The following ATG10 variants were observed in gnomAD, a reference collection of about 807,000 sequenced individuals.
The protein encoded by ATG10 is autophagy related 10, also known as ubiquitin-like-conjugating enzyme ATG10.
ATG10 carries 30 observed loss-of-function variants against 32.1 expected under a neutral mutation model. That is an observed-to-expected ratio of 0.94 (90% CI 0.70 to 1.27). The LOEUF (loss-of-function observed/expected upper bound fraction) is 1.27, where lower values mean the gene tolerates loss of function less well. ATG10 is among the 50% of genes most tolerant of loss of function. The pLI, the probability that ATG10 is intolerant of heterozygous loss-of-function variation, is 0.00. For synonymous variants in ATG10, 87 were observed against 91.5 expected (o/e 0.95, Z 0.28); for missense variants, 233 against 262.3 (o/e 0.89, Z 0.77).
At chr5:82,027,485 T>G (rs1382971016) in intron 2 of ATG10, among the ~76,000 whole-genome samples, 1 of 152,204 alleles carries the variant, frequency 6.6e-6, no homozygotes, top group African/African-American at 2.4e-5. Flanking sequence ...TTTCAAAGTT[T>G]TAATTTTTGA....
At chr5:82,230,998 A>G (rs1746348784) in intron 5 of ATG10, among the ~76,000 whole-genome samples, 1 of 152,106 alleles carries the variant, frequency 6.6e-6, no homozygotes, top group South Asian at 2.1e-4. Context: ...TTGAGAAGAA[A>G]TAAACCTTTA....
intron 3 of ATG10, among the ~76,000 whole-genome samples, chr5:82,114,075 C>T (rs1206307934): frequency 6.6e-6 from 1 of 151,896 alleles, no homozygotes; most frequent in Non-Finnish European, 1.5e-5. Flanking sequence ...TATAAATTTT[C>T]CTTCCTTGTG....
At chr5:82,003,842 A>G (rs1199143088) in intron 2 of ATG10, among the ~76,000 whole-genome samples, 1 of 152,238 alleles carries the variant, frequency 6.6e-6, no homozygotes, top group Non-Finnish European at 1.5e-5. Context: ...TCTAATAAAT[A>G]TAAAAGGATA....
At chr5:82,080,620 A>G (rs1346422090) in intron 3 of ATG10, among the ~76,000 whole-genome samples, 1 of 152,200 alleles carries the variant, frequency 6.6e-6, no homozygotes, top group Non-Finnish European at 1.5e-5. Flanking sequence ...TAAATAGGAA[A>G]TCCTTTCCCC....
At chr5:82,195,978 C>T (rs1040683373) in intron 5 of ATG10, among the ~76,000 whole-genome samples, 43 of 152,182 alleles carry the variant, frequency 2.8e-4, no homozygotes, top group African/African-American at 9.7e-4. Flanking sequence ...ACAGAGGCAT[C>T]ACCATTTTAT....
intron 5 of ATG10, among the ~76,000 whole-genome samples, chr5:82,247,263 G>T (rs914842771): frequency 2.6e-5 from 4 of 152,014 alleles, no homozygotes; most frequent in African/African-American, 4.8e-5. Flanking sequence ...TTCAGATTGC[G>T]ATTATCTGTA....
At chr5:82,026,105 C>T (rs1317564242) in intron 2 of ATG10, among the ~76,000 whole-genome samples, 2 of 152,156 alleles carry the variant, frequency 1.3e-5, no homozygotes, top group African/African-American at 4.8e-5. Flanking sequence ...CCATTTTCCC[C>T]ACTGAAACTT....
intron 1 of ATG10, 29 bp from the exon 2 acceptor site, chr5:81,987,530 G>A: frequency 7.2e-7 from 1 of 1,397,666 alleles, no homozygotes. Context: ...TTCTAAAGTT[G>A]ATGCTAATAC....
At chr5:82,168,640 A>T (rs772781269) in intron 4 of ATG10, among the ~76,000 whole-genome samples, 2 of 152,186 alleles carry the variant, frequency 1.3e-5, no homozygotes, top group African/African-American at 2.4e-5. Context: ...TAAATATTTC[A>T]TGTGAAAGAT....
At chr5:82,105,523 C>A (rs556803678) in intron 3 of ATG10, among the ~76,000 whole-genome samples, 2 of 152,112 alleles carry the variant, frequency 1.3e-5, no homozygotes, top group Non-Finnish European at 2.9e-5. Flanking sequence ...GCCCTCTGAA[C>A]ATTAGAGGAC....
chr5:82,102,925 G>T (rs1765327439), intron 3 of ATG10, among the ~76,000 whole-genome samples: 1 of 152,140 alleles, frequency 6.6e-6, no homozygotes, highest in South Asian at 2.1e-4. Flanking sequence ...AGATGAAATG[G>T]TTAACTAATA....
rs1431884506 is a variant in ATG10 at position 82,218,401 on chromosome 5, G to GT, written c.454-34153dup. Among the ~76,000 whole-genome samples, 22 of 152,072 alleles carry GT rather than the reference G, an allele frequency of 1.4e-4. No individual in the cohort carries two copies. In the East Asian group the frequency reaches 2.7e-3, roughly 19 times the overall value. ...ATATGTCTTACTTTCATCCTAGGGA[G>GT]TTTTTTTTGTTGGTACAGAATGATC... On this transcript the variant is annotated intron_variant, in intron 5 of 7. Transcript: ENST00000282185.
At chr5:82,181,192 A>T (rs1172253874) in intron 5 of ATG10, among the ~76,000 whole-genome samples, 1 of 152,140 alleles carries the variant, frequency 6.6e-6, no homozygotes, top group African/African-American at 2.4e-5. Flanking sequence ...ATATAACCAC[A>T]CTACAACACA....
chr5:81,978,593 T>G (rs1359223092), intron 1 of ATG10, among the ~76,000 whole-genome samples: 3 of 152,198 alleles, frequency 2.0e-5, no homozygotes, highest in African/African-American at 7.2e-5. Context: ...TAAAAAATTA[T>G]CTTTTGATAA....
chr5:82,091,671 T>C (rs1764891075), intron 3 of ATG10, among the ~76,000 whole-genome samples: 1 of 152,198 alleles, frequency 6.6e-6, no homozygotes, highest in Non-Finnish European at 1.5e-5. Context: ...GACCTGTATG[T>C]TGACAAAGTC....
intron 5 of ATG10, among the ~76,000 whole-genome samples, chr5:82,245,155 G>C (rs1280376211): frequency 6.6e-6 from 1 of 152,016 alleles, no homozygotes. Flanking sequence ...CTCTGAAAAG[G>C]GTACGTTAAA....
rs144826005 is a variant in ATG10, at chr5:82,054,127, T to G, written c.109-4368T>G. Among the ~76,000 whole-genome samples the G allele has an allele frequency of 2.0e-3, 306 of 152,292 alleles. 1 individual carries two copies. Among genetic ancestry groups the G allele is most frequent in the African/African-American group, 7.0e-3 (291 of 41,566 alleles). ...TGCAGTGGTTCTCAACTCTGGCTGC[T>G]GTGCTGGAATCTGCTAGGTAGATTC... is the stretch of plus-strand genomic sequence containing the variant. On this transcript the variant is annotated intron_variant, in intron 2 of 7. Transcript: ENST00000282185.
intron 2 of ATG10, among the ~76,000 whole-genome samples, chr5:82,046,173 C>A (rs941930061): frequency 2.6e-5 from 4 of 152,168 alleles, no homozygotes; most frequent in African/African-American, 9.6e-5. Flanking sequence ...GTTTCTCCTA[C>A]CTCTTCCTGC....
intron 5 of ATG10, among the ~76,000 whole-genome samples, chr5:82,189,349 C>T (rs935995919): frequency 6.6e-6 from 1 of 152,244 alleles, no homozygotes; most frequent in South Asian, 2.1e-4. Context: ...AGGAAACAGA[C>T]AAGATTATCA....
Sources: allele counts gnomAD v4.1 joint callset (sites outside exome capture counted in the v4.1 genomes callset), GRCh38; gene constraint gnomAD v4.1.1; transcripts MANE v1.5; gene names NCBI Gene and HGNC (gene_info 2026-07-23, HGNC 2026-07-21).